The following PTPRD variants were observed in gnomAD, a reference collection of about 807,000 sequenced individuals.
The protein encoded by PTPRD is protein tyrosine phosphatase receptor type D, also known as receptor-type tyrosine-protein phosphatase delta.
In PTPRD, 34 loss-of-function variants were observed where a neutral mutation model predicts 214.5. The observed-to-expected ratio is 0.16, with a 90% CI of 0.12 to 0.21. The LOEUF (loss-of-function observed/expected upper bound fraction) is 0.21, where lower values mean the gene tolerates loss of function less well. Among genes scored for constraint, PTPRD ranks in the 10% least tolerant of loss-of-function variants. The pLI is 1.00. For missense variants in PTPRD, 2,545 were observed against 2,398.7 expected (o/e 1.06, Z -1.27); for synonymous variants, 1,128 against 845.7 (o/e 1.33, Z -5.79).
In PTPRD at chr9:9,423,009, T is replaced by G. The variant is rs115753448; in HGVS notation, c.-236-25527A>C. 3.0e-3 allele frequency among the ~76,000 whole-genome samples: 456 copies of G among 152,210 alleles called. 1 individual carries two copies. The highest frequency in any genetic ancestry group is 0.01 in the African/African-American group (428 of 41,558). ...TCCCTCTTGGCGTATAACACAAAGT[T>G]TGGGGAAACCAGAACAAAGCTGAGT... On this transcript the variant is annotated intron_variant, in intron 8 of 45. Transcript: ENST00000381196.
intron 4 of PTPRD, among the ~76,000 whole-genome samples, chr9:10,022,439 C>T (rs1335147909): frequency 6.6e-6 from 1 of 150,728 alleles, no homozygotes; most frequent in South Asian, 2.1e-4. Flanking sequence ...ATGAAAGCAA[C>T]AGAGAATCAC....
chr9:8,716,846 G>A (rs992373376), intron 12 of PTPRD, among the ~76,000 whole-genome samples: 2 of 152,172 alleles, frequency 1.3e-5, no homozygotes, highest in African/African-American at 4.8e-5. Context: ...TTGGAATGTA[G>A]GGGGTTGGGG....
intron 5 of PTPRD, among the ~76,000 whole-genome samples, chr9:9,927,095 ACAT>A (rs1171927592): frequency 3.9e-5 from 6 of 152,192 alleles, no homozygotes; most frequent in Non-Finnish European, 7.4e-5. Context: ...ACCGCTATAA[ACAT>A]CACAGATTTT....
At chr9:10,071,322 T>C (rs1202935712) in intron 3 of PTPRD, among the ~76,000 whole-genome samples, 1 of 152,048 alleles carries the variant, frequency 6.6e-6, no homozygotes, top group Non-Finnish European at 1.5e-5. Context: ...TCCAGAACAA[T>C]AGTGGACATG....
chr9:10,065,776 C>T (rs564081078), intron 3 of PTPRD, among the ~76,000 whole-genome samples: 6 of 151,802 alleles, frequency 4.0e-5, no homozygotes, highest in African/African-American at 1.2e-4. Context: ...CCCAAAGAAA[C>T]GGGGAAGAAA....
intron 5 of PTPRD, among the ~76,000 whole-genome samples, chr9:9,823,645 A>C (rs948055300): frequency 1.3e-5 from 2 of 152,130 alleles, no homozygotes; most frequent in Non-Finnish European, 2.9e-5. Context: ...GACAAATATC[A>C]CATGTTCTCA....
At chr9:10,423,374 C>T (rs947399084) in intron 2 of PTPRD, among the ~76,000 whole-genome samples, 1 of 151,888 alleles carries the variant, frequency 6.6e-6, no homozygotes, top group Non-Finnish European at 1.5e-5. Context: ...TTAATGTGTG[C>T]AGCAAACCAA....
At chr9:9,289,175 G>T (rs1950392650) in intron 9 of PTPRD, among the ~76,000 whole-genome samples, 1 of 151,630 alleles carries the variant, frequency 6.6e-6, no homozygotes, top group Non-Finnish European at 1.5e-5. Flanking sequence ...TTTCTAAATG[G>T]TAGGTATTTC....
chr9:8,929,757 G>GTGTA lies in PTPRD; in HGVS notation c.-104+88939_-104+88940insTACA, dbSNP rs761452912. ...TGTATATATATGTGTATATATATAT[G>GTGTA]TATATATATGTGTATATATATGGGT... On this transcript the variant is annotated intron_variant, in intron 11 of 45. Coordinates refer to ENST00000381196, the MANE Select transcript of PTPRD (RefSeq NM_002839.4). Among the ~76,000 whole-genome samples the GTGTA allele has an allele frequency of 9.5e-4, 54 of 56,550 alleles. 3 individuals are homozygous for GTGTA. Among genetic ancestry groups the GTGTA allele is most frequent in the East Asian group, 3.4e-3 (2 of 596 alleles). The allele number at this position is 56,550 out of a possible 152,430, so 37.1% of individuals were successfully genotyped here.
chr9:9,965,645 C>T (rs1269108206), intron 4 of PTPRD, among the ~76,000 whole-genome samples: 1 of 152,100 alleles, frequency 6.6e-6, no homozygotes, highest in Non-Finnish European at 1.5e-5. Flanking sequence ...ATACTTGTTT[C>T]CTAAGAATTA....
intron 11 of PTPRD, among the ~76,000 whole-genome samples, chr9:8,832,674 C>G (rs1398197074): frequency 6.6e-6 from 1 of 151,970 alleles, no homozygotes; most frequent in Non-Finnish European, 1.5e-5. Flanking sequence ...TGCAGGATCA[C>G]AAGACTTCAC....
intron 9 of PTPRD, among the ~76,000 whole-genome samples, chr9:9,378,394 G>A (rs1354833174): frequency 6.6e-6 from 1 of 151,920 alleles, no homozygotes; most frequent in Non-Finnish European, 1.5e-5. Flanking sequence ...TCCATTGTCT[G>A]GATATACCAC....
rs186329094 is a variant in PTPRD at position 10,482,728 on chromosome 9, A to T, written c.-600+129670T>A. Among the ~76,000 whole-genome samples, 244 of 152,344 alleles carry T rather than the reference A, an allele frequency of 1.6e-3. 1 individual carries two copies. The highest frequency in any genetic ancestry group is 3.4e-3 in the Middle Eastern group (1 of 294). ...TCCCTTTTACAACAGGTACAAAAAA[A>T]TAAAATACCTATGAATATACTTAAC... On this transcript the variant is annotated intron_variant, in intron 2 of 45. Coordinates refer to ENST00000381196, the MANE Select transcript of PTPRD (RefSeq NM_002839.4).
At chr9:9,707,258 G>C (rs1299795122) in intron 7 of PTPRD, among the ~76,000 whole-genome samples, 1 of 152,144 alleles carries the variant, frequency 6.6e-6, no homozygotes, top group Non-Finnish European at 1.5e-5. Flanking sequence ...AAACCAGTGT[G>C]CTGTTAAAAC....
At chr9:10,286,984 G>A (rs888901081) in intron 3 of PTPRD, among the ~76,000 whole-genome samples, 2 of 152,136 alleles carry the variant, frequency 1.3e-5, no homozygotes, top group Non-Finnish European at 2.9e-5. Flanking sequence ...TGTAAGGTTA[G>A]CGAACTTGAA....
At chr9:10,593,258 C>T (rs2075930682) in intron 2 of PTPRD, among the ~76,000 whole-genome samples, 1 of 151,940 alleles carries the variant, frequency 6.6e-6, no homozygotes, top group Admixed American at 6.6e-5. Flanking sequence ...TGGGGTCAGG[C>T]CTGAGCTTTT....
chr9:9,203,182 A>T (rs1393840250), intron 9 of PTPRD, among the ~76,000 whole-genome samples: 1 of 152,034 alleles, frequency 6.6e-6, no homozygotes, highest in Non-Finnish European at 1.5e-5. Flanking sequence ...GCGAGCCGAG[A>T]TCGCACCATT....
intron 10 of PTPRD, among the ~76,000 whole-genome samples, chr9:9,106,757 A>G (rs534301362): frequency 1.3e-5 from 2 of 152,112 alleles, no homozygotes; most frequent in Admixed American, 1.3e-4. Flanking sequence ...ATTTCAATAC[A>G]TGATAGTTGT....
At chr9:9,894,541 T>G (rs529223557) in intron 5 of PTPRD, among the ~76,000 whole-genome samples, 19 of 152,004 alleles carry the variant, frequency 1.2e-4, no homozygotes, top group Non-Finnish European at 4.4e-5. Context: ...CTAATCAACT[T>G]TCACTCATTT....
Sources: allele counts gnomAD v4.1 joint callset (sites outside exome capture counted in the v4.1 genomes callset), GRCh38; gene constraint gnomAD v4.1.1; transcripts MANE v1.5; gene names NCBI Gene and HGNC (gene_info 2026-07-23, HGNC 2026-07-21).